The following RAD50 variants were observed in gnomAD, a reference collection of about 807,000 sequenced individuals.
The protein encoded by RAD50 is RAD50 double strand break repair protein, also known as DNA repair protein RAD50.
In RAD50, 132 loss-of-function variants were observed where a neutral mutation model predicts 168.8. The observed-to-expected ratio is 0.78, with a 90% CI of 0.68 to 0.90. RAD50 has a LOEUF of 0.90. Ranked by LOEUF, RAD50 falls within the 40% of genes least tolerant of loss-of-function variation. RAD50 has a pLI of 0.00. For missense variants in RAD50, 1,347 were observed against 1,534.4 expected, an observed-to-expected ratio of 0.88 and a Z score of 2.04; for synonymous variants, 525 against 497.4, an observed-to-expected ratio of 1.06 and a Z score of -0.74.
Position 132,591,867 on chromosome 5 carries a change from T to G in RAD50, c.1636-10T>G. ...ACTTTATTTTTAAAAGATTTTTTTT[T>G]TACCTATAGGCTGACAAAGATGAAC... is the stretch of plus-strand genomic sequence containing the variant. On this transcript the variant is annotated splice_polypyrimidine_tract_variant and intron_variant, in intron 10 of 24. Transcript: ENST00000378823. The G allele has an allele frequency of 6.3e-7, 1 of 1,575,068 alleles. No individual in the cohort carries two copies.
chr5:132,557,344 T>A lies in RAD50; in HGVS notation c.20T>A (p.Met7Lys). 1.2e-6 allele frequency: 2 copies of A among 1,613,920 alleles called. No homozygotes were observed. Among genetic ancestry groups the A allele is most frequent in the Non-Finnish European group, 1.7e-6 (2 of 1,179,762 alleles). Residue 7 changes from methionine (M) to lysine (K), a missense_variant, in exon 1 of 25, where the codon ATG (methionine) becomes AAG (lysine). Around this residue, in one of 3 missense-constraint regions of RAD50, gnomAD observed 703 missense variants for 767.7 expected, o/e 0.92. Transcript: ENST00000378823. ...GCAAACATGTCCCGGATCGAAAAGA[T>A]GAGCATTCTGGGCGTGCGGAGTTTT... is the stretch of plus-strand genomic sequence containing the variant. MSRIEK[M>K]SILGVRSFGI...
intron 2 of RAD50, among the ~76,000 whole-genome samples, chr5:132,571,229 C>A (rs552969189): frequency 6.6e-6 from 1 of 152,182 alleles, no homozygotes; most frequent in South Asian, 2.1e-4. Context: ...GACACAGAGA[C>A]ACAAAGTGAG....
chr5:132,590,663 C>G (rs939303223), intron 9 of RAD50, among the ~76,000 whole-genome samples: 8 of 152,294 alleles, frequency 5.3e-5, no homozygotes, highest in African/African-American at 1.7e-4. Context: ...CTTCACATCT[C>G]CATTACCAAA....
chr5:132,587,828 G>C, intron 6 of RAD50, 96 bp from the exon 7 acceptor site: 2 of 1,537,204 alleles, frequency 1.3e-6, no homozygotes, highest in Non-Finnish European at 1.8e-6. Context: ...TTAAAATGAA[G>C]GATATTGAAT....
At chr5:132,619,496 C>A (rs1420595241) in intron 21 of RAD50, among the ~76,000 whole-genome samples, 1 of 152,126 alleles carries the variant, frequency 6.6e-6, no homozygotes, top group East Asian at 1.9e-4. Flanking sequence ...AACTCCTGGG[C>A]TCAGGCATTC....
chr5:132,642,238 A>G lies in RAD50; in HGVS notation c.3813A>G (p.Glu1271=), dbSNP rs1302002047. The change falls in exon 25 of 25, where the codon GAA becomes GAG. Residue 1271 remains glutamate, a synonymous_variant. Coordinates refer to ENST00000378823, the MANE Select transcript of RAD50 (RefSeq NM_005732.4). ...AGCTTCTGGTAATCACTCATGATGA[A>G]GATTTTGTGGAGCTTTTAGGACGTT... The part of the protein sequence containing the change: ...NFQLLVITHD[E]DFVELLGRSE... 1.9e-6 allele frequency: 3 copies of G among 1,614,056 alleles called. No homozygotes were observed. The Admixed American group carries it at 5.0e-5, about 27-fold the overall frequency.
intron 2 of RAD50, among the ~76,000 whole-genome samples, chr5:132,568,554 T>C (rs2243677): frequency 0.33 from 49,545 of 152,072 alleles, 10,642 homozygotes; most frequent in African/African-American, 0.62. Flanking sequence ...ATTCAAATTG[T>C]TCAAAACTAA....
chr5:132,578,886 T>C lies in RAD50; in HGVS notation c.366-431T>C, dbSNP rs191437875. 5.6e-3 allele frequency among the ~76,000 whole-genome samples: 855 copies of C among 152,212 alleles called. 26 individuals are homozygous for C. Among genetic ancestry groups the C allele is most frequent in the Middle Eastern group, 3.4e-3 (1 of 294 alleles). On this transcript the variant is annotated intron_variant, in intron 3 of 24. Coordinates refer to ENST00000378823, the MANE Select transcript of RAD50 (RefSeq NM_005732.4). ...GTATAAAAAACAGTAAAGACAGATA[T>C]TGCCTCTGCTCACCAGAGCAGTCTG... is the stretch of plus-strand genomic sequence containing the variant.
In RAD50 at chr5:132,594,892, A is replaced by G. The variant is rs749083001; in HGVS notation, c.1817A>G (p.Gln606Arg). The G allele has an allele frequency of 2.5e-6, 4 of 1,604,936 alleles. No individual in the cohort carries two copies. Among genetic ancestry groups the G allele is most frequent in the East Asian group, 4.5e-5 (2 of 44,804 alleles). Residue 606 changes from glutamine to arginine, a missense_variant, in exon 12 of 25, where the codon CAG becomes CGG. Gln to Arg is a conservative substitution (Grantham distance 43). Transcript: ENST00000378823. ...KLNKELASSE[Q>R]NKNHINNELK... The stretch of plus-strand genomic sequence containing the variant: ...AGCAAGGAACTAGCTTCATCTGAGC[A>G]GAATAAAAATCATATAAATAATGAA...
Position 132,626,754 on chromosome 5 carries a change from G to T in RAD50, c.3389+8460G>T, listed in dbSNP as rs562294807. ...TTATTGTATCTAACTCTGTTTTAAA[G>T]GGCAAGTATTTATCAGACAGATTAA... On this transcript the variant is annotated intron_variant, in intron 21 of 24. Coordinates refer to ENST00000378823, the MANE Select transcript of RAD50 (RefSeq NM_005732.4). Among the ~76,000 whole-genome samples the T allele has an allele frequency of 2.6e-5, 4 of 152,268 alleles. No homozygotes were observed. The East Asian group carries it at 7.7e-4, about 29-fold the overall frequency.
At chr5:132,595,147 C>T (rs1442147711) in intron 12 of RAD50, 103 bp downstream of exon 12, 18 of 1,273,214 alleles carry the variant, frequency 1.4e-5, no homozygotes, top group Non-Finnish European at 1.9e-5. Flanking sequence ...GTTATGGAGC[C>T]TAATGGCTTG....
chr5:132,567,477 A>C (rs1750228835), intron 2 of RAD50, among the ~76,000 whole-genome samples: 1 of 152,220 alleles, frequency 6.6e-6, no homozygotes, highest in Admixed American at 6.5e-5. Flanking sequence ...AGGCAGATGA[A>C]ACAAAGATAG....
rs1750642157 is a variant in RAD50, at chr5:132,588,738, A to T, written c.1103A>T (p.Asp368Val). Residue 368 changes from aspartate to valine, a missense_variant, in exon 8 of 25, where the codon GAT (aspartate) becomes GTT (valine). Asp to Val is a radical substitution (Grantham distance 152). Transcript: ENST00000378823. The stretch of plus-strand genomic sequence containing the variant: ...CATCAAGAACATATCCGAGCTAGAG[A>T]TTCATTAATTCAGTCTTTGGCAACA... ...DRHQEHIRAR[D>V]SLIQSLATQL... is the part of the protein sequence containing the mutation. 1 of 1,613,814 alleles carries T rather than the reference A, an allele frequency of 6.2e-7. No homozygotes were observed.
chr5:132,623,265 G>A (rs1246406939), intron 21 of RAD50, among the ~76,000 whole-genome samples: 1 of 152,130 alleles, frequency 6.6e-6, no homozygotes, highest in East Asian at 1.9e-4. Flanking sequence ...GATCACTTGA[G>A]GTGAGGAGTT....
intron 2 of RAD50, among the ~76,000 whole-genome samples, chr5:132,563,001 A>G (rs1163566714): frequency 6.6e-6 from 1 of 152,220 alleles, no homozygotes; most frequent in Non-Finnish European, 1.5e-5. Context: ...GAGTGTTTGG[A>G]TATGTGGAGT....
rs1751180842 is a variant in RAD50, at chr5:132,616,526, C to G, written c.3164+396C>G. On this transcript the variant is annotated intron_variant, in intron 20 of 24. Transcript: ENST00000378823. ...CCAGAGTGATTTATCCACAGAGATT[C>G]ATTTTAGATTTTCTCATTTGTAATT... Among the ~76,000 whole-genome samples the G allele has an allele frequency of 2.0e-5, 3 of 152,266 alleles. No homozygotes were observed. In the South Asian group the frequency reaches 6.2e-4, roughly 32 times the overall value.
chr5:132,569,667 T>C (rs1750267081), intron 2 of RAD50, among the ~76,000 whole-genome samples: 1 of 152,228 alleles, frequency 6.6e-6, no homozygotes, highest in African/African-American at 2.4e-5. Context: ...CATTGAACGA[T>C]AGCAGAATAC....
intron 5 of RAD50, 45 bp from the exon 6 acceptor site, chr5:132,587,517 T>A: frequency 6.2e-7 from 1 of 1,603,694 alleles, no homozygotes; most frequent in Non-Finnish European, 8.5e-7. Flanking sequence ...ATCAGCCATG[T>A]AAGCTATAGT....
chr5:132,578,817 C>T (rs757401924), intron 3 of RAD50, among the ~76,000 whole-genome samples: 2 of 152,002 alleles, frequency 1.3e-5, no homozygotes, highest in Non-Finnish European at 2.9e-5. Flanking sequence ...ACATGAGCCA[C>T]CGTGCCTGGC....
Sources: gnomAD v4.1 joint callset for allele counts (sites outside exome capture counted in the v4.1 genomes callset) on GRCh38, gnomAD v4.1.1 for gene constraint, gnomAD v4.1.1 regional missense constraint, MANE v1.5 for transcripts, NCBI Gene and HGNC (gene_info 2026-07-23, HGNC 2026-07-21) for gene names.